SPAM1: variants seen among roughly 807,000 people sequenced by gnomAD.
SPAM1 encodes the protein sperm adhesion molecule 1, also known as hyaluronidase PH-20.
SPAM1 carries 22 observed loss-of-function variants against 29.6 expected under a neutral mutation model. The observed-to-expected ratio is 0.74, with a 90% CI of 0.53 to 1.06. The LOEUF is 1.06. Among genes scored for constraint, SPAM1 ranks in the 50% least tolerant of loss-of-function variants. The probability of loss-of-function intolerance (pLI) is 0.00; values close to 1 mark genes in which losing one functional copy is unlikely to be tolerated. For synonymous variants in SPAM1, 194 were observed against 204.6 expected, an observed-to-expected ratio of 0.95 and a Z score of 0.44; for missense variants, 534 against 604.0, an observed-to-expected ratio of 0.88 and a Z score of 1.21.
chr7:123,970,254 A>G, exon 6 of SPAM1: 1 of 1,548,630 alleles, frequency 6.5e-7, no homozygotes, highest in Non-Finnish European at 8.7e-7. Context: ...TCTGAGAGTC[A>G]TGAGGGAAAA....
intron 1 of SPAM1, among the ~76,000 whole-genome samples, chr7:123,927,905 A>G (rs1807942079): frequency 6.6e-6 from 1 of 152,174 alleles, no homozygotes; most frequent in African/African-American, 2.4e-5. Flanking sequence ...TAATGGAATT[A>G]AAAAGAAAGC....
At chr7:123,965,680 T>A (rs1381424934) in intron 5 of SPAM1, among the ~76,000 whole-genome samples, 2 of 152,010 alleles carry the variant, frequency 1.3e-5, no homozygotes, top group Admixed American at 6.6e-5. Context: ...TTTGTACCAG[T>A]GCAATGCTAT....
chr7:123,939,039 C>G (rs1427302635), intron 1 of SPAM1, among the ~76,000 whole-genome samples: 1 of 150,334 alleles, frequency 6.7e-6, no homozygotes, highest in Non-Finnish European at 1.5e-5. Flanking sequence ...CTCAGCAAAG[C>G]TATTATGTTT....
downstream of SPAM1, among the ~76,000 whole-genome samples, chr7:123,961,745 A>G (rs991886580): frequency 1.3e-5 from 2 of 151,962 alleles, no homozygotes; most frequent in Non-Finnish European, 2.9e-5. Flanking sequence ...AGACATATCC[A>G]AGACTAGGTA....
At chr7:123,934,928 T>G (rs1808206847) in intron 1 of SPAM1, among the ~76,000 whole-genome samples, 1 of 152,140 alleles carries the variant, frequency 6.6e-6, no homozygotes, top group Non-Finnish European at 1.5e-5. Flanking sequence ...GCATTATAAT[T>G]AACAATTTAT....
chr7:123,961,861 G>C (rs1292745558), downstream of SPAM1, among the ~76,000 whole-genome samples: 1 of 151,954 alleles, frequency 6.6e-6, no homozygotes, highest in East Asian at 1.9e-4. Context: ...GTAGCAGCAA[G>C]AGACAATGAG....
chr7:123,953,183 A>G (rs1792153571), intron 2 of SPAM1, among the ~76,000 whole-genome samples, 182 bp from the exon 3 acceptor site: 2 of 152,060 alleles, frequency 1.3e-5, no homozygotes, highest in South Asian at 4.1e-4. Flanking sequence ...AAAAATGTTA[A>G]CTAGTATAGA....
downstream of SPAM1, among the ~76,000 whole-genome samples, chr7:123,961,456 T>C (rs1792357395): frequency 6.6e-6 from 1 of 151,984 alleles, no homozygotes; most frequent in Non-Finnish European, 1.5e-5. Flanking sequence ...CATAAGATAA[T>C]GGCCTCTAGT....
intron 1 of SPAM1, among the ~76,000 whole-genome samples, chr7:123,929,024 T>C (rs1391128723): frequency 6.6e-6 from 1 of 152,180 alleles, no homozygotes; most frequent in Non-Finnish European, 1.5e-5. Flanking sequence ...TCAATCATAA[T>C]GTTGAAGAGA....
chr7:123,943,368 A>T (rs540227359), intron 1 of SPAM1, among the ~76,000 whole-genome samples: 17 of 152,196 alleles, frequency 1.1e-4, no homozygotes, highest in Non-Finnish European at 2.1e-4. Flanking sequence ...AAAACTGCAG[A>T]TGACAAAAGT....
intron 1 of SPAM1, among the ~76,000 whole-genome samples, chr7:123,948,885 T>G (rs1225552709): frequency 1.3e-5 from 2 of 152,008 alleles, no homozygotes; most frequent in Non-Finnish European, 2.9e-5. Flanking sequence ...ATATCTGTTA[T>G]GATTCTCTAG....
downstream of SPAM1, among the ~76,000 whole-genome samples, chr7:123,960,652 T>C (rs987626250): frequency 7.2e-5 from 11 of 152,044 alleles, no homozygotes; most frequent in African/African-American, 2.6e-4. Flanking sequence ...CCTGTACAAA[T>C]ATTACTACCG....
At chr7:123,950,016 A>G (rs1808710259) in intron 2 of SPAM1, 33 bp downstream of exon 2, 3 of 152,068 alleles carry the variant, frequency 2.0e-5, no homozygotes, top group Admixed American at 6.6e-5. Context: ...GGGGGATAGC[A>G]AAGACTTAGC....
At chr7:123,939,956 C>T (rs985901085) in intron 1 of SPAM1, among the ~76,000 whole-genome samples, 2 of 152,176 alleles carry the variant, frequency 1.3e-5, no homozygotes, top group Non-Finnish European at 1.5e-5. Flanking sequence ...TGATCCCCAC[C>T]CTGCCGTTGG....
At chr7:123,946,105 C>T (rs1424334335) in intron 1 of SPAM1, among the ~76,000 whole-genome samples, 1 of 152,174 alleles carries the variant, frequency 6.6e-6, no homozygotes, top group East Asian at 1.9e-4. Context: ...CTCTACCATC[C>T]TAGAAGCAGG....
chr7:123,943,938 T>C (rs1290408665), intron 1 of SPAM1, among the ~76,000 whole-genome samples: 1 of 152,164 alleles, frequency 6.6e-6, no homozygotes, highest in African/African-American at 2.4e-5. Flanking sequence ...TTAATTATCT[T>C]GACCATAAGA....
Position 123,953,979 on chromosome 7 carries a change from G to C in SPAM1, c.409G>C (p.Val137Leu), listed in dbSNP as rs1379016167. 1.2e-6 allele frequency: 2 copies of C among 1,613,634 alleles called. No individual in the cohort carries two copies. The highest frequency in any genetic ancestry group is 2.7e-5 in the African/African-American group (2 of 74,904). The change falls in exon 3 of 5, where the codon GTA becomes CTA. Residue 137 changes from valine (V) to leucine (L), a missense_variant. Physicochemically the swap from Val to Leu is conservative, Grantham distance 32. Transcript: ENST00000682466. Reference protein sequence around the residue: ...AKKDITFYMPVDNLGMAVIDW... With the variant: ...AKKDITFYMPLDNLGMAVIDW... Reference sequence around the variant, plus strand: ...GAAAGACATTACATTTTATATGCCAGTAGACAATTTGGGAATGGCTGTTAT... The same window carrying C: ...GAAAGACATTACATTTTATATGCCACTAGACAATTTGGGAATGGCTGTTAT...
chr7:123,935,373 G>T (rs186116666), intron 1 of SPAM1, among the ~76,000 whole-genome samples: 97 of 152,146 alleles, frequency 6.4e-4, no homozygotes, highest in Non-Finnish European at 1.2e-3. Flanking sequence ...TTTCACAAGG[G>T]ACCTATGAGA....
chr7:123,944,738 C>A lies in SPAM1; in HGVS notation c.-318-5134C>A, dbSNP rs766351598. On this transcript the variant is annotated intron_variant, in intron 1 of 4. Transcript: ENST00000682466. The stretch of plus-strand genomic sequence containing the variant: ...TAGCATCAGGCCAAAACAATTATGA[C>A]CCAAAGAAAAAACTTACAGTAGCTG... Among the ~76,000 whole-genome samples, 10 of 151,918 alleles carry A rather than the reference C, an allele frequency of 6.6e-5. No homozygotes were observed. In the East Asian group the frequency reaches 9.6e-4, roughly 15 times the overall value.
Sources: gnomAD v4.1 joint callset for allele counts (sites outside exome capture counted in the v4.1 genomes callset) on GRCh38, gnomAD v4.1.1 for gene constraint, MANE v1.5 for transcripts, NCBI Gene and HGNC (gene_info 2026-07-23, HGNC 2026-07-21) for gene names.